CHST11: variants seen among roughly 807,000 people sequenced by gnomAD.
The protein encoded by CHST11 is carbohydrate sulfotransferase 11.
CHST11 carries 9 observed loss-of-function variants against 30.4 expected under a neutral mutation model. The ratio of observed to expected loss-of-function variants is 0.30; its 90% CI spans 0.18 to 0.52. The LOEUF (loss-of-function observed/expected upper bound fraction) is 0.52. Among genes scored for constraint, CHST11 ranks in the 20% least tolerant of loss-of-function variants. The pLI is 0.97. For synonymous variants in CHST11, 152 were observed against 187.8 expected (o/e 0.81, Z 1.56); for missense variants, 348 against 460.6 (o/e 0.76, Z 2.24).
At chr12:104,497,575 T>TA (rs34702136) in intron 1 of CHST11, among the ~76,000 whole-genome samples, 6,900 of 151,652 alleles carry the variant, frequency 0.045, 267 homozygotes, top group Admixed American at 0.12. Context: ...CCTCACGTAT[T>TA]AAAAAAAAAT....
intron 2 of CHST11, among the ~76,000 whole-genome samples, chr12:104,697,165 G>C (rs2039954754): frequency 6.6e-6 from 1 of 152,120 alleles, no homozygotes; most frequent in Non-Finnish European, 1.5e-5. Flanking sequence ...CAGTGGATGG[G>C]GACCCCGATT....
At position 104,634,233 on chromosome 12, in the gene CHST11, A is replaced by G. The variant is rs151300338; in HGVS notation, c.204+32242A>G. On this transcript the variant is annotated intron_variant, in intron 2 of 2. Transcript: ENST00000303694. ...CCATATCTGTCTCGTTCACAGTACC[A>G]TGAATCCCCAGTGCATAGTAGGCAC... 3.0e-3 allele frequency among the ~76,000 whole-genome samples: 457 copies of G among 152,328 alleles called. 4 individuals are homozygous for G. Among genetic ancestry groups the G allele is most frequent in the African/African-American group, 0.01 (426 of 41,572 alleles).
At chr12:104,677,174 T>G (rs2039750138) in intron 2 of CHST11, among the ~76,000 whole-genome samples, 1 of 152,236 alleles carries the variant, frequency 6.6e-6, no homozygotes, top group Non-Finnish European at 1.5e-5. Context: ...GAGCCATTAT[T>G]CTCGCAATGA....
intron 1 of CHST11, among the ~76,000 whole-genome samples, chr12:104,462,099 G>A (rs1387839795): frequency 4.0e-5 from 6 of 149,880 alleles, no homozygotes; most frequent in African/African-American, 9.9e-5. Flanking sequence ...CCAGGGAGGC[G>A]GAGGTTGCAG....
chr12:104,599,169 G>A (rs1173318220), intron 1 of CHST11, among the ~76,000 whole-genome samples: 1 of 152,206 alleles, frequency 6.6e-6, no homozygotes, highest in Non-Finnish European at 1.5e-5. Context: ...GGTCTGGGGA[G>A]CCAAGGCCGG....
At chr12:104,462,167 C>CAAAAAAAA (rs796356338) in intron 1 of CHST11, among the ~76,000 whole-genome samples, 2 of 65,580 alleles carry the variant, frequency 3.0e-5, no homozygotes, top group African/African-American at 1.0e-4. Flanking sequence ...AACACCATCT[C>CAAAAAAAA]AAAAAAAAAA....
At chr12:104,638,286 C>T (rs188533249) in intron 2 of CHST11, among the ~76,000 whole-genome samples, 65 of 150,990 alleles carry the variant, frequency 4.3e-4, no homozygotes, top group African/African-American at 1.5e-3. Context: ...TCTCGTAAGA[C>T]TTTCATTTTG....
chr12:104,500,410 C>A (rs2037841614), intron 1 of CHST11, among the ~76,000 whole-genome samples: 1 of 152,148 alleles, frequency 6.6e-6, no homozygotes, highest in South Asian at 2.1e-4. Context: ...AGCCACGTAG[C>A]TAATCAGGGG....
At position 104,761,045 on chromosome 12, in the gene CHST11, G is replaced by T. The variant is rs2040520368; in HGVS notation, c.*3242G>T. 6.6e-6 allele frequency: 1 copy of T among 152,238 alleles called. No homozygotes were observed. The highest frequency in any genetic ancestry group is 2.4e-5 in the African/African-American group (1 of 41,454). 9.4% of individuals were successfully genotyped at this position (152,238 alleles called of 1,614,324 possible). A position where few individuals can be genotyped will look rare whatever the true frequency, so the allele number is the denominator to read the frequency against. On this transcript the variant is annotated 3_prime_UTR_variant, in exon 3 of 3. Transcript: ENST00000303694. ...GTACAGCCAGGGCAGTATTTGCAAG[G>T]ACATTCCTGCTTACTTTATCCCTTT...
intron 2 of CHST11, among the ~76,000 whole-genome samples, chr12:104,704,228 C>A (rs930970771): frequency 1.3e-5 from 2 of 152,242 alleles, no homozygotes; most frequent in Admixed American, 1.3e-4. Flanking sequence ...CTACCTCCCC[C>A]CACTGTCTGT....
Position 104,716,815 on chromosome 12 carries a change from G to A in CHST11, c.205-40134G>A, listed in dbSNP as rs79078925. Among the ~76,000 whole-genome samples, 303 of 152,336 alleles carry A rather than the reference G, an allele frequency of 2.0e-3. 5 individuals are homozygous for A. In the East Asian group the frequency reaches 0.053, roughly 27 times the overall value. The stretch of plus-strand genomic sequence containing the variant: ...GGTACTATCTTAGTTTCCTATTGCT[G>A]CTGTAACAAATTACTGCAAACTTAA... On this transcript the variant is annotated intron_variant, in intron 2 of 2. Transcript: ENST00000303694.
intron 1 of CHST11, among the ~76,000 whole-genome samples, chr12:104,530,273 T>C (rs2038169398): frequency 6.6e-6 from 1 of 152,174 alleles, no homozygotes; most frequent in Admixed American, 6.5e-5. Context: ...ACCACCACCA[T>C]CATTATAATC....
At chr12:104,667,231 G>A (rs1401449818) in intron 2 of CHST11, among the ~76,000 whole-genome samples, 2 of 152,094 alleles carry the variant, frequency 1.3e-5, no homozygotes, top group Non-Finnish European at 2.9e-5. Flanking sequence ...CTTCCAGGCC[G>A]TCTCATTAGA....
intron 2 of CHST11, among the ~76,000 whole-genome samples, chr12:104,658,810 A>T (rs145598971): frequency 7.2e-5 from 11 of 152,284 alleles, no homozygotes; most frequent in Non-Finnish European, 1.5e-4. Flanking sequence ...ATTTTTATTA[A>T]CTCATGTAAT....
At chr12:104,743,464 G>C (rs1002359337) in intron 2 of CHST11, among the ~76,000 whole-genome samples, 5 of 152,152 alleles carry the variant, frequency 3.3e-5, no homozygotes, top group Non-Finnish European at 2.9e-5. Flanking sequence ...CCAGAGGAAG[G>C]CACCCCCTTA....
At position 104,759,629 on chromosome 12, in the gene CHST11, G is replaced by A. The variant is rs1401471049; in HGVS notation, c.*1826G>A. The A allele has an allele frequency of 6.6e-6, 1 of 152,166 alleles. No individual in the cohort carries two copies. Among genetic ancestry groups the A allele is most frequent in the Non-Finnish European group, 1.5e-5 (1 of 68,018 alleles). 9.4% of individuals were successfully genotyped at this position (152,166 alleles called of 1,614,324 possible). Reference sequence around the variant, plus strand: ...AAGCTCACAGCAAGCTCAGTGGGCAGCAGCTGCAACATCTCACCGGGGAAA... The same window carrying A: ...AAGCTCACAGCAAGCTCAGTGGGCAACAGCTGCAACATCTCACCGGGGAAA... On this transcript the variant is annotated 3_prime_UTR_variant, in exon 3 of 3. Coordinates refer to ENST00000303694, the MANE Select transcript of CHST11 (RefSeq NM_018413.6).
chr12:104,614,633 A>ATGTGTGTGTGTGCATG (rs1024353479), intron 2 of CHST11, among the ~76,000 whole-genome samples: 1 of 151,536 alleles, frequency 6.6e-6, no homozygotes, highest in Non-Finnish European at 1.5e-5. Context: ...AGGCATGTGT[A>ATGTGTGTGTGTGCATG]TGTGTGTGTG....
chr12:104,613,096 G>A (rs897006533), intron 2 of CHST11, among the ~76,000 whole-genome samples: 23 of 151,854 alleles, frequency 1.5e-4, no homozygotes, highest in African/African-American at 4.6e-4. Context: ...ATGGTGGCAC[G>A]TGCCTGTAGC....
At chr12:104,642,752 T>C (rs2039389515) in intron 2 of CHST11, among the ~76,000 whole-genome samples, 1 of 152,016 alleles carries the variant, frequency 6.6e-6, no homozygotes, top group Non-Finnish European at 1.5e-5. Flanking sequence ...TGTGTCTAGG[T>C]GGTTGGAATA....
Sources: gnomAD v4.1 joint callset for allele counts (sites outside exome capture counted in the v4.1 genomes callset) on GRCh38, gnomAD v4.1.1 for gene constraint, MANE v1.5 for transcripts, NCBI Gene and HGNC (gene_info 2026-07-23, HGNC 2026-07-21) for gene names.